B3GLCT: variants seen among roughly 807,000 people sequenced by gnomAD.
B3GLCT encodes the protein beta-1,3-glucosyltransferase.
In B3GLCT, 65 loss-of-function variants were observed where a neutral mutation model predicts 63.4. The observed-to-expected ratio is 1.03, with a 90% CI of 0.84 to 1.26. B3GLCT has a LOEUF of 1.26. Ranked by LOEUF, B3GLCT falls within the 50% of genes most tolerant of loss-of-function variation. B3GLCT has a pLI of 0.00. For missense variants in B3GLCT, 577 were observed against 604.8 expected (o/e 0.95, Z 0.48); for synonymous variants, 233 against 219.2 (o/e 1.06, Z -0.55).
intron 1 of B3GLCT, among the ~76,000 whole-genome samples, chr13:31,212,553 G>A (rs187174789): frequency 7.9e-5 from 12 of 151,978 alleles, no homozygotes; most frequent in African/African-American, 2.9e-4. Flanking sequence ...GATTACAGGC[G>A]TGGGCCACTG....
At chr13:31,301,241 C>A (rs1046117915) in intron 12 of B3GLCT, among the ~76,000 whole-genome samples, 8 of 152,194 alleles carry the variant, frequency 5.3e-5, no homozygotes, top group African/African-American at 1.9e-4. Flanking sequence ...CACTCACAAA[C>A]CTTTGCCATA....
At chr13:31,262,990 C>T (rs1872113708) in intron 7 of B3GLCT, among the ~76,000 whole-genome samples, 1 of 152,188 alleles carries the variant, frequency 6.6e-6, no homozygotes, top group Admixed American at 6.5e-5. Context: ...GAGGAACAAA[C>T]ACAGCTCTTG....
In B3GLCT at chr13:31,229,342, A is replaced by G. The variant is rs763253472; in HGVS notation, c.270+48A>G. The G allele has an allele frequency of 2.1e-5, 24 of 1,126,170 alleles. No homozygotes were observed. In the East Asian group the frequency reaches 5.6e-4, roughly 26 times the overall value. 69.8% of individuals were successfully genotyped at this position (1,126,170 alleles called of 1,614,324 possible). Reference sequence around the variant, plus strand: ...TCTGCCAGTTATGTATTTCTTGATTACCTTGATGTTTTCCAAAACACTGGA... The same window carrying G: ...TCTGCCAGTTATGTATTTCTTGATTGCCTTGATGTTTTCCAAAACACTGGA... On this transcript the variant is annotated intron_variant, in intron 4 of 14. Transcript: ENST00000343307.
rs114107324 is a variant in B3GLCT at position 31,262,021 on chromosome 13, T to C, written c.596+939T>C. Among the ~76,000 whole-genome samples, 181 of 152,310 alleles carry C rather than the reference T, an allele frequency of 1.2e-3. 1 individual carries two copies. The highest frequency in any genetic ancestry group is 4.2e-3 in the African/African-American group (175 of 41,566). On this transcript the variant is annotated intron_variant, in intron 7 of 14. Transcript: ENST00000343307. ...TGTAGGTTCCATCAGGTAGATGTGTTATGTACAATTATTTTTGGGAACTGA... is the reference window on the plus strand; with the variant it reads ...TGTAGGTTCCATCAGGTAGATGTGTCATGTACAATTATTTTTGGGAACTGA...
At chr13:31,249,022 G>T (rs1593272215) in intron 6 of B3GLCT, among the ~76,000 whole-genome samples, 1 of 152,270 alleles carries the variant, frequency 6.6e-6, no homozygotes, top group East Asian at 1.9e-4. Flanking sequence ...GCAGAGATGG[G>T]CCCTTTCTGG....
intron 6 of B3GLCT, among the ~76,000 whole-genome samples, chr13:31,254,765 A>G (rs965025349): frequency 1.3e-5 from 2 of 152,158 alleles, no homozygotes; most frequent in Admixed American, 1.3e-4. Flanking sequence ...AGAAAACCCC[A>G]TAGTGGCCAG....
chr13:31,271,190 G>C (rs1872561910), intron 8 of B3GLCT, among the ~76,000 whole-genome samples: 1 of 152,258 alleles, frequency 6.6e-6, no homozygotes. Context: ...GGGTTGATCA[G>C]AGATTCTCTG....
At chr13:31,247,994 A>G (rs1871270980) in intron 6 of B3GLCT, 28 bp downstream of exon 6, 2 of 1,206,978 alleles carry the variant, frequency 1.7e-6, no homozygotes, top group African/African-American at 1.5e-5. Context: ...ACCAGTTCTT[A>G]TTTTGGGGGA....
At chr13:31,286,106 G>C (rs1873317734) in intron 11 of B3GLCT, among the ~76,000 whole-genome samples, 1 of 152,126 alleles carries the variant, frequency 6.6e-6, no homozygotes, top group South Asian at 2.1e-4. Context: ...CTTCCCAAGT[G>C]TTTTATTTTT....
intron 3 of B3GLCT, among the ~76,000 whole-genome samples, chr13:31,223,733 G>C: frequency 6.6e-6 from 1 of 152,254 alleles, no homozygotes; most frequent in East Asian, 1.9e-4. Context: ...TTTCCTCCCA[G>C]GGTAGGAGGA....
chr13:31,225,581 C>G (rs942852873), intron 3 of B3GLCT, among the ~76,000 whole-genome samples: 4 of 152,348 alleles, frequency 2.6e-5, no homozygotes, highest in Middle Eastern at 3.4e-3. Context: ...CAGTGATCTT[C>G]CGGCATTCAT....
chr13:31,298,787 GT>G (rs1874083068), intron 12 of B3GLCT, among the ~76,000 whole-genome samples: 1 of 152,200 alleles, frequency 6.6e-6, no homozygotes, highest in African/African-American at 2.4e-5. Context: ...AAGCTAGTGG[GT>G]TATTTTTACC....
intron 1 of B3GLCT, among the ~76,000 whole-genome samples, chr13:31,203,915 T>A (rs750510589): frequency 6.6e-6 from 1 of 152,168 alleles, no homozygotes; most frequent in Non-Finnish European, 1.5e-5. Flanking sequence ...GAATGTCAAT[T>A]TAAAAATAGT....
intron 3 of B3GLCT, among the ~76,000 whole-genome samples, chr13:31,226,581 G>A (rs1162350828): frequency 6.6e-6 from 1 of 152,044 alleles, no homozygotes. Context: ...AGCGGTGAGC[G>A]CAGGATTAAG....
rs760859924 is a variant in B3GLCT at position 31,269,241 on chromosome 13, C to G, written c.624C>G (p.Ser208=). Residue 208 remains serine (S), a synonymous_variant, in exon 8 of 15, where the codon TCC becomes TCG. Transcript: ENST00000343307. ...TTACCAAGAGACTAAAGAGTGAATC[C>G]TTGAAATCCGACTTTACAATAGATT... ...NKLTKRLKSE[S]LKSDFTIDLK... is the part of the protein sequence containing the mutation. The G allele has an allele frequency of 5.6e-6, 9 of 1,610,114 alleles. No individual in the cohort carries two copies. In the South Asian group the frequency reaches 8.8e-5, roughly 16 times the overall value.
intron 8 of B3GLCT, among the ~76,000 whole-genome samples, chr13:31,272,728 T>G (rs1872626079): frequency 6.6e-6 from 1 of 152,222 alleles, no homozygotes; most frequent in Non-Finnish European, 1.5e-5. Flanking sequence ...ATTATCCCAC[T>G]CCCAACTTAC....
chr13:31,285,302 C>T (rs531634797), intron 11 of B3GLCT, among the ~76,000 whole-genome samples: 25 of 152,114 alleles, frequency 1.6e-4, no homozygotes, highest in Non-Finnish European at 3.1e-4. Context: ...ATTGGAGACT[C>T]CAAAAGGTGG....
chr13:31,216,343 C>T lies in B3GLCT; in HGVS notation c.120+1243C>T, dbSNP rs180967034. 3.9e-3 allele frequency among the ~76,000 whole-genome samples: 589 copies of T among 152,222 alleles called. 6 individuals are homozygous for T. Among genetic ancestry groups the T allele is most frequent in the South Asian group, 0.026 (126 of 4,830 alleles). On this transcript the variant is annotated intron_variant, in intron 2 of 14. Coordinates refer to ENST00000343307, the MANE Select transcript of B3GLCT (RefSeq NM_194318.4). ...CCCATTTACAACAGAGAAAACTTAG[C>T]GTCAGGGAAGTTATGTGATTTGACC... is the stretch of plus-strand genomic sequence containing the variant.
At chr13:31,319,475 A>G (rs933873035) in intron 13 of B3GLCT, among the ~76,000 whole-genome samples, 16 of 152,188 alleles carry the variant, frequency 1.1e-4, no homozygotes, top group African/African-American at 3.4e-4. Context: ...TCCAATTTTT[A>G]TCCTGTTTCA....
Sources: gnomAD v4.1 joint callset for allele counts (sites outside exome capture counted in the v4.1 genomes callset) on GRCh38, gnomAD v4.1.1 for gene constraint, MANE v1.5 for transcripts, NCBI Gene and HGNC (gene_info 2026-07-23, HGNC 2026-07-21) for gene names.